Variants in NELL1 observed in about 807,000 individuals in gnomAD.
The protein encoded by NELL1 is neural EGFL like 1, also known as protein kinase C-binding protein NELL1.
A neutral mutation model predicts 107.4 loss-of-function variants in NELL1; 76 were observed. The observed-to-expected ratio is 0.71, with a 90% CI of 0.59 to 0.86. The LOEUF (loss-of-function observed/expected upper bound fraction) is 0.86. NELL1 is among the 40% of genes least tolerant of loss of function. The pLI, the probability that NELL1 is intolerant of heterozygous loss-of-function variation, is 0.00. For synonymous variants in NELL1, 353 were observed against 341.2 expected, an observed-to-expected ratio of 1.03 and a Z score of -0.38; for missense variants, 1,024 against 1,005.5, an observed-to-expected ratio of 1.02 and a Z score of -0.25.
intron 15 of NELL1, among the ~76,000 whole-genome samples, chr11:21,506,769 GC>G (rs1288350162): frequency 1.3e-5 from 2 of 152,084 alleles, no homozygotes; most frequent in African/African-American, 4.8e-5. Flanking sequence ...CTCCTTTATT[GC>G]CTAGCATGGA....
chr11:21,526,434 T>TAGA (rs1855857647), intron 15 of NELL1, among the ~76,000 whole-genome samples: 5 of 152,184 alleles, frequency 3.3e-5, no homozygotes, highest in African/African-American at 1.2e-4. Context: ...GATCTACCAT[T>TAGA]CTGGGGTCTG....
At chr11:21,380,183 G>C (rs1196796154) in intron 15 of NELL1, among the ~76,000 whole-genome samples, 1 of 151,986 alleles carries the variant, frequency 6.6e-6, no homozygotes, top group African/African-American at 2.4e-5. Context: ...CATCAACGTT[G>C]CTTCTTTTCT....
chr11:20,686,569 A>C (rs1186292500), intron 2 of NELL1, among the ~76,000 whole-genome samples: 2 of 152,182 alleles, frequency 1.3e-5, no homozygotes, highest in Admixed American at 6.6e-5. Context: ...AGTGATGTAC[A>C]AAAAATGGAA....
At chr11:21,094,792 G>T (rs1231298076) in intron 12 of NELL1, among the ~76,000 whole-genome samples, 3 of 152,128 alleles carry the variant, frequency 2.0e-5, no homozygotes, top group Non-Finnish European at 4.4e-5. Flanking sequence ...GAAGACCCTG[G>T]GCCTGGCCCA....
chr11:21,163,368 T>A (rs1044486847), intron 13 of NELL1, among the ~76,000 whole-genome samples: 1 of 152,164 alleles, frequency 6.6e-6, no homozygotes, highest in Non-Finnish European at 1.5e-5. Context: ...ACAGATTGTT[T>A]TAAAAAGCTT....
At chr11:21,153,304 T>C (rs1433672015) in intron 13 of NELL1, among the ~76,000 whole-genome samples, 1 of 152,052 alleles carries the variant, frequency 6.6e-6, no homozygotes, top group Non-Finnish European at 1.5e-5. Context: ...TCTGAGTTAG[T>C]GGTGTGTATG....
chr11:21,555,080 G>C (rs1856674201), intron 16 of NELL1, among the ~76,000 whole-genome samples: 1 of 151,860 alleles, frequency 6.6e-6, no homozygotes, highest in African/African-American at 2.4e-5. Context: ...GCCATATCTG[G>C]CTTCTTTGCC....
intron 12 of NELL1, among the ~76,000 whole-genome samples, chr11:20,973,586 C>G (rs564841813): frequency 2.3e-4 from 35 of 152,296 alleles, no homozygotes; most frequent in African/African-American, 7.5e-4. Flanking sequence ...CTTTAGTGCT[C>G]TATGGATTCT....
intron 14 of NELL1, among the ~76,000 whole-genome samples, chr11:21,366,525 A>G (rs755208545): frequency 6.6e-6 from 1 of 152,104 alleles, no homozygotes; most frequent in Non-Finnish European, 1.5e-5. Context: ...ATGCTACCCA[A>G]AATAAAGCTG....
At chr11:20,929,640 T>C (rs1343077463) in intron 9 of NELL1, among the ~76,000 whole-genome samples, 1 of 152,190 alleles carries the variant, frequency 6.6e-6, no homozygotes, top group Non-Finnish European at 1.5e-5. Context: ...ACAGATTATT[T>C]GTTTTTATTC....
chr11:21,279,654 A>C (rs1004051945), intron 14 of NELL1, among the ~76,000 whole-genome samples: 2 of 152,204 alleles, frequency 1.3e-5, no homozygotes, highest in Admixed American at 1.3e-4. Flanking sequence ...ACTTTGGAAA[A>C]AAGCAGTTTC....
At chr11:21,557,856 A>G (rs1257552846) in intron 16 of NELL1, among the ~76,000 whole-genome samples, 2 of 152,040 alleles carry the variant, frequency 1.3e-5, no homozygotes, top group Non-Finnish European at 2.9e-5. Flanking sequence ...GTTAAATGGA[A>G]TAAATACATC....
At chr11:21,297,302 T>G (rs1049825977) in intron 14 of NELL1, among the ~76,000 whole-genome samples, 1 of 152,072 alleles carries the variant, frequency 6.6e-6, no homozygotes, top group Non-Finnish European at 1.5e-5. Context: ...GTTTAACTAC[T>G]TAAGGCTGGT....
chr11:21,169,595 T>A (rs1232972699), intron 13 of NELL1, among the ~76,000 whole-genome samples: 1 of 152,032 alleles, frequency 6.6e-6, no homozygotes, highest in Non-Finnish European at 1.5e-5. Context: ...GCTATGCTAA[T>A]TGGAGCTTTA....
At chr11:21,050,825 A>G (rs561164974) in intron 12 of NELL1, among the ~76,000 whole-genome samples, 2 of 152,134 alleles carry the variant, frequency 1.3e-5, no homozygotes, top group Admixed American at 6.6e-5. Context: ...TCTGAGATCT[A>G]TTCTAGATAG....
chr11:21,520,807 G>T (rs1258466870), intron 15 of NELL1, among the ~76,000 whole-genome samples: 1 of 152,162 alleles, frequency 6.6e-6, no homozygotes, highest in African/African-American at 2.4e-5. Flanking sequence ...TCCCAGATCT[G>T]TATTCCCTGA....
chr11:20,994,361 A>G (rs1219928263), intron 12 of NELL1, among the ~76,000 whole-genome samples: 1 of 152,256 alleles, frequency 6.6e-6, no homozygotes. Context: ...TATGTTAGAC[A>G]TAACAGTTAG....
At chr11:20,894,988 C>CTATCTTACTGTGTATA (rs1849694435) in intron 5 of NELL1, among the ~76,000 whole-genome samples, 3 of 151,000 alleles carry the variant, frequency 2.0e-5, no homozygotes, top group African/African-American at 7.4e-5. Flanking sequence ...ATTATTCCCT[C>CTATCTTACTGTGTATA]TGGCCGGGCG....
At chr11:21,284,680 A>G (rs1452930077) in intron 14 of NELL1, 4 of 377,532 alleles carry the variant, frequency 1.1e-5, no homozygotes, top group Non-Finnish European at 2.1e-5. Context: ...CCTGGAGCCA[A>G]CTATGTCTAT....
Sources: allele counts gnomAD v4.1 joint callset (sites outside exome capture counted in the v4.1 genomes callset), GRCh38; gene constraint gnomAD v4.1.1; transcripts MANE v1.5; gene names NCBI Gene and HGNC (gene_info 2026-07-23, HGNC 2026-07-21).